Variants in PBX1 observed in about 807,000 individuals in gnomAD.
PBX1 encodes the protein PBX homeobox 1, also known as pre-B-cell leukemia transcription factor 1.
A neutral mutation model predicts 53.4 loss-of-function variants in PBX1; 6 were observed. The ratio of observed to expected loss-of-function variants is 0.11; its 90% confidence interval spans 0.06 to 0.22. PBX1 has a LOEUF of 0.22. Among genes scored for constraint, PBX1 ranks in the 10% least tolerant of loss-of-function variants. The pLI, the probability that PBX1 is intolerant of heterozygous loss-of-function variation, is 1.00. For synonymous variants in PBX1, 204 were observed against 212.3 expected (o/e 0.96, Z 0.34); for missense variants, 251 against 551.4 (o/e 0.46, Z 5.46).
intron 2 of PBX1, among the ~76,000 whole-genome samples, chr1:164,647,838 A>G (rs1309843307): frequency 1.4e-5 from 2 of 143,566 alleles, no homozygotes; most frequent in East Asian, 2.1e-4. Context: ...TTTTTGAGAC[A>G]GAGTCTTGCT....
intron 2 of PBX1, among the ~76,000 whole-genome samples, chr1:164,859,222 C>A (rs1383799562): frequency 1.3e-5 from 2 of 152,164 alleles, no homozygotes; most frequent in Admixed American, 6.5e-5. Context: ...TACCTCAAAT[C>A]TAAGAAAAAG....
In PBX1 at chr1:164,736,563, A is replaced by G. The variant is rs144739403; in HGVS notation, c.266-55931A>G. 2.9e-3 allele frequency among the ~76,000 whole-genome samples: 445 copies of G among 152,308 alleles called. 5 individuals carry two copies. The highest frequency in any genetic ancestry group is 0.01 in the African/African-American group (432 of 41,572). On this transcript the variant is annotated intron_variant, in intron 2 of 8. Transcript: ENST00000420696. The stretch of plus-strand genomic sequence containing the variant: ...TTATTTGAATAAAGAAAAGGGAAAA[A>G]GCCACAGAAGGAACAATGACATATA...
chr1:164,797,391 C>T (rs1668841201), intron 3 of PBX1, among the ~76,000 whole-genome samples: 1 of 152,132 alleles, frequency 6.6e-6, no homozygotes, highest in Non-Finnish European at 1.5e-5. Context: ...ATGTGCCTAG[C>T]CCTCCACTCT....
chr1:164,560,811 G>A (rs531058531), intron 1 of PBX1, among the ~76,000 whole-genome samples: 2 of 152,136 alleles, frequency 1.3e-5, no homozygotes, highest in East Asian at 3.9e-4. Flanking sequence ...AAAAAGGGGT[G>A]GGGGGACAAA....
At chr1:164,571,887 A>ATATG (rs1653893373) in intron 2 of PBX1, among the ~76,000 whole-genome samples, 1 of 106,008 alleles carries the variant, frequency 9.4e-6, no homozygotes, top group Non-Finnish European at 1.9e-5. Flanking sequence ...ATATATATAT[A>ATATG]TATATATATA....
At chr1:164,698,834 A>G (rs1046785420) in intron 2 of PBX1, among the ~76,000 whole-genome samples, 1 of 152,214 alleles carries the variant, frequency 6.6e-6, no homozygotes. Flanking sequence ...TCACTCAGGT[A>G]ATCCTCACAA....
chr1:164,846,657 A>G lies in PBX1; in HGVS notation c.1274A>G (p.His425Arg), dbSNP rs1302539075. The change falls in exon 9 of 9, where the codon CAC becomes CGC. Residue 425 changes from histidine to arginine, a missense_variant. By Grantham distance (29) the His-to-Arg change is conservative. Transcript: ENST00000420696. ...CCTACAGAAGGCCCTGGCAGTGTTC[A>G]CTCTGATACCTCCAACTGATCTCCC... ...TSPTEGPGSV[H>R]SDTSN 1.2e-6 allele frequency: 2 copies of G among 1,613,888 alleles called. No homozygotes were observed. The highest frequency in any genetic ancestry group is 1.7e-6 in the Non-Finnish European group (2 of 1,179,930).
rs955827044 is a variant in PBX1 at position 164,610,140 on chromosome 1, C to T, written c.265+46829C>T. On this transcript the variant is annotated intron_variant, in intron 2 of 8. Coordinates refer to ENST00000420696, the MANE Select transcript of PBX1 (RefSeq NM_002585.4). ...TTGGTGGCCGCCGCCTCCTTTGCCT[C>T]ATCTGCCCCAAATCCCTGCTTGCCA... Among the ~76,000 whole-genome samples the T allele has an allele frequency of 2.6e-5, 4 of 152,194 alleles. 1 individual carries two copies. In the South Asian group the frequency reaches 8.3e-4, roughly 32 times the overall value.
chr1:164,591,849 C>T (rs78374260), intron 2 of PBX1, among the ~76,000 whole-genome samples: 9,306 of 152,210 alleles, frequency 0.061, 369 homozygotes, highest in Middle Eastern at 0.092. Context: ...ACCCAGTGCT[C>T]CTGTATTTCC....
intron 2 of PBX1, among the ~76,000 whole-genome samples, chr1:164,866,998 T>C (rs1672234099): frequency 6.6e-6 from 1 of 152,118 alleles, no homozygotes; most frequent in Non-Finnish European, 1.5e-5. Context: ...TAAGAAACCC[T>C]CTATAGAGAC....
intron 2 of PBX1, among the ~76,000 whole-genome samples, chr1:164,880,982 G>T (rs1168468600): frequency 1.3e-5 from 2 of 152,218 alleles, no homozygotes; most frequent in East Asian, 3.9e-4. Flanking sequence ...CTAGGAGCGG[G>T]ACCTAGTGGT....
intron 2 of PBX1, among the ~76,000 whole-genome samples, chr1:164,775,754 C>T (rs919043698): frequency 6.6e-6 from 1 of 152,134 alleles, no homozygotes; most frequent in African/African-American, 2.4e-5. Context: ...AGTGTTTAAG[C>T]CCTACAAATG....
At chr1:164,626,032 C>T (rs923656020) in intron 2 of PBX1, 11 of 1,041,460 alleles carry the variant, frequency 1.1e-5, no homozygotes, top group Middle Eastern at 4.4e-4. Flanking sequence ...CTTCTACCTC[C>T]GGGAACCCCG....
chr1:164,592,518 C>T (rs529675817), intron 2 of PBX1, among the ~76,000 whole-genome samples: 50 of 152,308 alleles, frequency 3.3e-4, no homozygotes, highest in Admixed American at 1.6e-3. Flanking sequence ...TACCATTTCT[C>T]CTTGTCATTG....
intron 2 of PBX1, among the ~76,000 whole-genome samples, chr1:164,601,065 C>G (rs1473335458): frequency 2.6e-5 from 4 of 151,618 alleles, no homozygotes; most frequent in Non-Finnish European, 1.5e-5. Context: ...GTGGTGAAAC[C>G]CCGTCTCTAC....
chr1:164,855,165 C>T (rs1208711790), downstream of PBX1, among the ~76,000 whole-genome samples: 3 of 152,046 alleles, frequency 2.0e-5, no homozygotes, highest in Non-Finnish European at 4.4e-5. Context: ...AAGCTGGTCT[C>T]GAACTCCTGG....
intron 2 of PBX1, among the ~76,000 whole-genome samples, chr1:164,654,935 A>G (rs1034277479): frequency 6.6e-5 from 10 of 152,108 alleles, no homozygotes; most frequent in Non-Finnish European, 1.5e-4. Flanking sequence ...CACAGAGGGG[A>G]GCACAGCATG....
intron 2 of PBX1, among the ~76,000 whole-genome samples, chr1:164,734,478 T>C (rs1400258091): frequency 6.6e-6 from 1 of 152,230 alleles, no homozygotes; most frequent in Non-Finnish European, 1.5e-5. Flanking sequence ...TGCTTGCCAT[T>C]ACTCACCAAG....
chr1:164,679,459 C>T (rs1661624679), intron 2 of PBX1, among the ~76,000 whole-genome samples: 1 of 152,044 alleles, frequency 6.6e-6, no homozygotes. Flanking sequence ...TGGAAAGGCT[C>T]CTTTGAAAAC....
Sources: gnomAD v4.1 joint callset for allele counts (sites outside exome capture counted in the v4.1 genomes callset) on GRCh38, gnomAD v4.1.1 for gene constraint, MANE v1.5 for transcripts, NCBI Gene and HGNC (gene_info 2026-07-23, HGNC 2026-07-21) for gene names.